ANKFY1: variants seen among roughly 807,000 people sequenced by gnomAD.
The protein encoded by ANKFY1 is ankyrin repeat and FYVE domain containing 1, also known as ankyrin repeat and FYVE domain-containing protein 1.
A neutral mutation model predicts 128.3 loss-of-function variants in ANKFY1; 47 were observed. That is an observed-to-expected ratio of 0.37 (90% CI 0.29 to 0.47). The LOEUF is 0.47. Among genes scored for constraint, ANKFY1 ranks in the 20% least tolerant of loss-of-function variants. ANKFY1 has a pLI of 1.00. For synonymous variants in ANKFY1, 553 were observed against 601.6 expected (o/e 0.92, Z 1.18); for missense variants, 1,222 against 1,510.6 (o/e 0.81, Z 3.17).
intron 3 of ANKFY1, among the ~76,000 whole-genome samples, chr17:4,220,977 ATC>A (rs923747899): frequency 6.6e-5 from 10 of 152,284 alleles, no homozygotes; most frequent in Admixed American, 1.3e-4. Flanking sequence ...AGCCAGAAAA[ATC>A]TCTGACTTCA....
At chr17:4,189,780 C>T (rs1158376661) in intron 10 of ANKFY1, among the ~76,000 whole-genome samples, 1 of 152,130 alleles carries the variant, frequency 6.6e-6, no homozygotes, top group Non-Finnish European at 1.5e-5. Context: ...AGTAGGTCCA[C>T]GCCAGACAGT....
intron 22 of ANKFY1, among the ~76,000 whole-genome samples, chr17:4,171,191 T>C (rs2059313738): frequency 6.6e-6 from 1 of 152,216 alleles, no homozygotes; most frequent in Non-Finnish European, 1.5e-5. Flanking sequence ...TCATCTACTG[T>C]GGTCTCAGTT....
intron 17 of ANKFY1, chr17:4,179,319 C>T: frequency 1.8e-6 from 1 of 560,964 alleles, no homozygotes. Flanking sequence ...CGCTCTAAGC[C>T]ACCACTCCTT....
chr17:4,222,392 A>G (rs1270371691), intron 3 of ANKFY1: 5 of 787,628 alleles, frequency 6.3e-6, no homozygotes, highest in Admixed American at 5.1e-5. Flanking sequence ...GTACCCAGTG[A>G]GACAAATTTC....
In ANKFY1 at chr17:4,167,189, G is replaced by A. The variant is rs2059225749; in HGVS notation, c.*590C>T. The A allele has an allele frequency of 6.6e-6, 1 of 152,624 alleles. No homozygotes were observed. The highest frequency in any genetic ancestry group is 2.1e-4 in the South Asian group (1 of 4,828). The allele number at this position is 152,624 out of a possible 1,614,324, so 9.5% of individuals were successfully genotyped here. A position where few individuals can be genotyped will look rare whatever the true frequency, so the allele number is the denominator to read the frequency against. On this transcript the variant is annotated 3_prime_UTR_variant, in exon 25 of 25. Coordinates refer to ENST00000341657, the MANE Select transcript of ANKFY1 (RefSeq NM_001330063.2). The surrounding 1 kb of genome is among the most constrained non-coding windows in gnomAD (Gnocchi z 4.1). ...CCACGATTTTTCAGCTCTCATCTTT[G>A]AACCCTGTTAAGAAAGATTTCACCT...
At chr17:4,173,478 G>A (rs1273460994) in intron 20 of ANKFY1, 34 bp from the exon 21 acceptor site, 1 of 1,599,752 alleles carries the variant, frequency 6.3e-7, no homozygotes, top group Admixed American at 1.7e-5. Context: ...TGCAAGCCCA[G>A]AAGCACATGC....
chr17:4,258,675 G>T (rs1968253628), intron 1 of ANKFY1, among the ~76,000 whole-genome samples: 1 of 152,162 alleles, frequency 6.6e-6, no homozygotes, highest in African/African-American at 2.4e-5. Flanking sequence ...CCATTAGGGG[G>T]AGCTACTAGC....
chr17:4,190,084 GGTCT>G (rs2059690555), intron 10 of ANKFY1, among the ~76,000 whole-genome samples: 1 of 152,084 alleles, frequency 6.6e-6, no homozygotes, highest in Non-Finnish European at 1.5e-5. Context: ...TTTGTTGTGG[GGTCT>G]GTTCTGCACA....
intron 10 of ANKFY1, among the ~76,000 whole-genome samples, chr17:4,194,224 T>C (rs1002016509): frequency 6.7e-6 from 1 of 149,920 alleles, no homozygotes; most frequent in African/African-American, 2.5e-5. Context: ...TTCTCCGGCC[T>C]TTCCTGAGTA....
rs1375038371 is a variant in ANKFY1, at chr17:4,263,824, G to A, written c.10+108C>T. The A allele has an allele frequency of 3.1e-6, 5 of 1,609,412 alleles. No individual in the cohort carries two copies. The South Asian group carries it at 3.3e-5, about 11-fold the overall frequency. Reference sequence around the variant, plus strand: ...CAGGAAGGCTCGCGAGACCCGCGGAGCCCCCATGCAACCACGCCCGGCCTT... The same window carrying A: ...CAGGAAGGCTCGCGAGACCCGCGGAACCCCCATGCAACCACGCCCGGCCTT... On this transcript the variant is annotated intron_variant, in intron 1 of 24. Coordinates refer to ENST00000341657, the MANE Select transcript of ANKFY1 (RefSeq NM_001330063.2).
chr17:4,251,827 G>A (rs1488247101), intron 1 of ANKFY1, among the ~76,000 whole-genome samples: 1 of 152,082 alleles, frequency 6.6e-6, no homozygotes, highest in African/African-American at 2.4e-5. Flanking sequence ...TTGAGGTCAG[G>A]AGTTTGAGAC....
rs1028388417 is a variant in ANKFY1, at chr17:4,189,415, G to T, written c.1437C>A (p.Thr479=). The part of the protein sequence containing the change: ...GNEAAALFLA[T]NGAHVNHRNK... Reference sequence around the variant, plus strand: ...TTCTGTGGTTGACATGGGCACCGTTGGTTGCCAGGAAAAGAGCTGCTGCCT... The same window carrying T: ...TTCTGTGGTTGACATGGGCACCGTTTGTTGCCAGGAAAAGAGCTGCTGCCT... Residue 479 remains threonine (T), a synonymous_variant, in exon 11 of 25, where the codon ACC becomes ACA. Coordinates refer to ENST00000341657, the MANE Select transcript of ANKFY1 (RefSeq NM_001330063.2). 5 of 1,592,082 alleles carry T rather than the reference G, an allele frequency of 3.1e-6. No individual in the cohort carries two copies. Among genetic ancestry groups the T allele is most frequent in the Non-Finnish European group, 3.4e-6 (4 of 1,166,610 alleles).
intron 3 of ANKFY1, among the ~76,000 whole-genome samples, chr17:4,230,731 T>G (rs959941397): frequency 6.6e-6 from 1 of 152,204 alleles, no homozygotes; most frequent in Admixed American, 6.5e-5. Flanking sequence ...TATAAGCTAA[T>G]TAACATATCA....
intron 10 of ANKFY1, chr17:4,191,430 T>TAGTTGATGGTTACTCTAATCTGGAGAC (rs1567927513): frequency 9.5e-5 from 14 of 147,362 alleles, no homozygotes; most frequent in African/African-American, 3.6e-4. Flanking sequence ...AATCTGGAGA[T>TAGTTGATGGTTACTCTAATCTGGAGAC]GCCTAGTTGA....
At chr17:4,228,662 C>A (rs1340652417) in intron 3 of ANKFY1, among the ~76,000 whole-genome samples, 2 of 152,132 alleles carry the variant, frequency 1.3e-5, no homozygotes, top group Non-Finnish European at 2.9e-5. Flanking sequence ...AGTGATCCAC[C>A]CAACTTGGCC....
intron 3 of ANKFY1, among the ~76,000 whole-genome samples, chr17:4,224,399 T>C (rs1384420486): frequency 6.6e-6 from 1 of 151,998 alleles, no homozygotes. Context: ...ATTTTTTGTA[T>C]TTTTAGTAGA....
intron 3 of ANKFY1, chr17:4,223,781 C>T (rs1409537358): frequency 6.5e-7 from 1 of 1,535,996 alleles, no homozygotes; most frequent in Non-Finnish European, 9.0e-7. Context: ...GTTTCAGCAG[C>T]TGGTACAGTG....
At chr17:4,192,745 C>A (rs947130907) in intron 10 of ANKFY1, among the ~76,000 whole-genome samples, 3 of 152,108 alleles carry the variant, frequency 2.0e-5, no homozygotes, top group South Asian at 2.1e-4. Flanking sequence ...ATCACTAAAC[C>A]GTTAAAAGCG....
chr17:4,254,121 C>T (rs562910758), intron 1 of ANKFY1, among the ~76,000 whole-genome samples: 6 of 151,842 alleles, frequency 4.0e-5, no homozygotes, highest in Non-Finnish European at 7.4e-5. Context: ...CCGGCTAACA[C>T]GGTGAAACCC....
Sources: gnomAD v4.1 joint callset for allele counts (sites outside exome capture counted in the v4.1 genomes callset) on GRCh38, gnomAD v4.1.1 for gene constraint, Gnocchi (gnomAD v3.1) non-coding constraint, MANE v1.5 for transcripts, NCBI Gene and HGNC (gene_info 2026-07-23, HGNC 2026-07-21) for gene names.